CCDC191: variants seen among roughly 807,000 people sequenced by gnomAD.
The protein encoded by CCDC191 is coiled-coil domain containing 191, also known as coiled-coil domain-containing protein 191.
In CCDC191, 99 loss-of-function variants were observed where a neutral mutation model predicts 114.0. That is an observed-to-expected ratio of 0.87 (90% CI 0.74 to 1.03). The LOEUF (loss-of-function observed/expected upper bound fraction) is 1.03. Among genes scored for constraint, CCDC191 ranks in the 50% least tolerant of loss-of-function variants. The probability of loss-of-function intolerance (pLI) is 0.00; values close to 1 mark genes in which losing one functional copy is unlikely to be tolerated. For missense variants in CCDC191, 973 were observed against 1,087.0 expected (o/e 0.90, Z 1.47); for synonymous variants, 351 against 376.0 (o/e 0.93, Z 0.77).
Position 114,036,602 on chromosome 3 carries a change from TC to T in CCDC191, c.594+5del. On this transcript the variant is annotated splice_donor_5th_base_variant and intron_variant, in intron 5 of 16. Transcript: ENST00000295878. ...TATCCATTTTAATTTTGTTTTTCCC[TC>T]CCACCTGCTTATGTCTCATCTCCAT... 6.4e-7 allele frequency: 1 copy of T among 1,570,024 alleles called. No individual in the cohort carries two copies. Among genetic ancestry groups the T allele is most frequent in the Non-Finnish European group, 8.6e-7 (1 of 1,159,128 alleles).
At chr3:114,010,717 T>C in intron 9 of CCDC191, 55 bp downstream of exon 9, 1 of 1,534,684 alleles carries the variant, frequency 6.5e-7, no homozygotes, top group Non-Finnish European at 8.8e-7. Flanking sequence ...ACATACCAGC[T>C]ATAAAAGCAC....
chr3:114,008,052 CTA>C (rs2076001782), intron 9 of CCDC191, among the ~76,000 whole-genome samples: 1 of 144,774 alleles, frequency 6.9e-6, no homozygotes. Flanking sequence ...ATATATATTA[CTA>C]TATATATAAA....
At chr3:113,988,836 G>A (rs1393870687) in intron 13 of CCDC191, among the ~76,000 whole-genome samples, 1 of 151,202 alleles carries the variant, frequency 6.6e-6, no homozygotes, top group African/African-American at 2.4e-5. Flanking sequence ...CTCTGTCACC[G>A]AGGCTGGAGT....
chr3:114,036,194 T>TA (rs1333894902), intron 5 of CCDC191, among the ~76,000 whole-genome samples: 1 of 152,034 alleles, frequency 6.6e-6, no homozygotes, highest in African/African-American at 2.4e-5. Context: ...TAAATTATAA[T>TA]AAAAAAATGA....
At chr3:113,994,566 T>TA (rs2075665630) in intron 13 of CCDC191, among the ~76,000 whole-genome samples, 1 of 148,540 alleles carries the variant, frequency 6.7e-6, no homozygotes, top group Non-Finnish European at 1.5e-5. Flanking sequence ...ATTGAAAACT[T>TA]AAAAAACTAA....
chr3:113,993,223 G>C (rs1424204469), intron 13 of CCDC191, among the ~76,000 whole-genome samples: 1 of 152,110 alleles, frequency 6.6e-6, no homozygotes, highest in Non-Finnish European at 1.5e-5. Flanking sequence ...CTTGAGCCCA[G>C]GAGTTTGAGA....
intron 13 of CCDC191, among the ~76,000 whole-genome samples, chr3:113,996,350 A>G (rs909072958): frequency 1.3e-5 from 2 of 152,162 alleles, no homozygotes; most frequent in African/African-American, 2.4e-5. Flanking sequence ...TCCCAGCACC[A>G]TTTATTAAAT....
At chr3:113,977,767 T>C (rs565163660) in intron 16 of CCDC191, among the ~76,000 whole-genome samples, 4 of 152,336 alleles carry the variant, frequency 2.6e-5, no homozygotes, top group Admixed American at 2.6e-4. Flanking sequence ...TTTACAGTCA[T>C]TCGTTAAGCT....
chr3:113,991,087 T>C (rs1234221491), intron 13 of CCDC191, among the ~76,000 whole-genome samples: 2 of 150,174 alleles, frequency 1.3e-5, no homozygotes, highest in Non-Finnish European at 3.0e-5. Flanking sequence ...AATACAAAAA[T>C]TAGCTGGGTG....
intron 13 of CCDC191, among the ~76,000 whole-genome samples, chr3:113,985,090 G>A (rs995917753): frequency 2.0e-5 from 3 of 152,148 alleles, no homozygotes; most frequent in African/African-American, 7.2e-5. Flanking sequence ...AGCATGAGAA[G>A]GTTGAAGCTC....
intron 13 of CCDC191, among the ~76,000 whole-genome samples, chr3:113,990,156 C>G (rs1036680725): frequency 6.6e-6 from 1 of 151,880 alleles, no homozygotes; most frequent in Non-Finnish European, 1.5e-5. Context: ...ACCAGTGAAA[C>G]CAAAAGTTAG....
At chr3:113,999,038 C>A (rs943907105) in intron 13 of CCDC191, among the ~76,000 whole-genome samples, 1 of 152,154 alleles carries the variant, frequency 6.6e-6, no homozygotes, top group Admixed American at 6.6e-5. Context: ...AGCTAGGTGG[C>A]AATACCTTGC....
intron 13 of CCDC191, 54 bp downstream of exon 13, chr3:114,001,541 A>G (rs1414052869): frequency 6.9e-6 from 11 of 1,605,530 alleles, no homozygotes; most frequent in African/African-American, 1.3e-5. Context: ...GGGCCACAGT[A>G]TCACACACAG....
intron 13 of CCDC191, among the ~76,000 whole-genome samples, chr3:113,983,862 G>T (rs1168675584): frequency 6.6e-6 from 1 of 152,152 alleles, no homozygotes. Context: ...AAAAGTTATT[G>T]CCTGTTAAGT....
chr3:114,056,287 G>T, intron 1 of CCDC191, 90 bp downstream of exon 1: 3 of 1,221,070 alleles, frequency 2.5e-6, no homozygotes, highest in Non-Finnish European at 3.6e-6. Context: ...GGATGAAGAG[G>T]CAGGAAGCAC....
chr3:114,010,739 G>A (rs778702128), intron 9 of CCDC191, 33 bp downstream of exon 9: 1 of 1,568,492 alleles, frequency 6.4e-7, no homozygotes, highest in East Asian at 2.3e-5. Flanking sequence ...AACCTCAAAT[G>A]CAAGTGTTTA....
intron 7 of CCDC191, among the ~76,000 whole-genome samples, chr3:114,024,257 GTAAAC>G (rs2076286339): frequency 6.6e-6 from 1 of 152,194 alleles, no homozygotes; most frequent in Admixed American, 6.5e-5. Context: ...TGGTGGGACT[GTAAAC>G]TAGTTCAACC....
intron 11 of CCDC191, chr3:114,002,795 A>G (rs2075879076): frequency 5.4e-6 from 5 of 928,642 alleles, no homozygotes; most frequent in Non-Finnish European, 6.4e-6. Context: ...TTTTATTAAA[A>G]TAATTGTTTA....
rs148665431 is a variant in CCDC191, at chr3:114,024,071, T to C, written c.973-5203A>G. On this transcript the variant is annotated intron_variant, in intron 7 of 16. Coordinates refer to ENST00000295878, the MANE Select transcript of CCDC191 (RefSeq NM_020817.2). ...GGATTTGAACACTTCTCAAAAGACA[T>C]TTATGCAGCCAAAAGACACATGAAA... 8.5e-5 allele frequency among the ~76,000 whole-genome samples: 13 copies of C among 152,250 alleles called. No homozygotes were observed. In the East Asian group the frequency reaches 1.9e-3, roughly 23 times the overall value.
Sources: allele counts gnomAD v4.1 joint callset (sites outside exome capture counted in the v4.1 genomes callset), GRCh38; gene constraint gnomAD v4.1.1; transcripts MANE v1.5; gene names NCBI Gene and HGNC (gene_info 2026-07-23, HGNC 2026-07-21).